RPL37: variants seen among roughly 807,000 people sequenced by gnomAD.
RPL37 encodes ribosomal protein L37.
A neutral mutation model predicts 14.8 loss-of-function variants in RPL37; 1 was observed. The ratio of observed to expected loss-of-function variants is 0.07; its 90% confidence interval spans 0.02 to 0.32. The LOEUF is 0.32. RPL37 is among the 10% of genes least tolerant of loss of function. The pLI is 1.00. For synonymous variants in RPL37, 53 were observed against 45.8 expected (o/e 1.16, Z -0.63); for missense variants, 100 against 128.3 (o/e 0.78, Z 1.06).
At chr5:40,833,363 A>G (rs1370180790) in intron 3 of RPL37, among the ~76,000 whole-genome samples, 1 of 152,224 alleles carries the variant, frequency 6.6e-6, no homozygotes, top group Non-Finnish European at 1.5e-5. Context: ...AGAACATAGT[A>G]ACGGAAGGAG....
Position 40,827,275 on chromosome 5 carries a change from A to G in RPL37, c.*5229T>C, listed in dbSNP as rs1745536994. 6.6e-6 allele frequency: 1 copy of G among 152,160 alleles called. No homozygotes were observed. The highest frequency in any genetic ancestry group is 2.4e-5 in the African/African-American group (1 of 41,432). The allele number at this position is 152,160 out of a possible 1,614,324, so 9.4% of individuals were successfully genotyped here. Reference sequence around the variant, plus strand: ...CTCACCTTTTGTACCTCCAGTCTACACTTTAATCCCACTGAGTTAACTTGC... The same window carrying G: ...CTCACCTTTTGTACCTCCAGTCTACGCTTTAATCCCACTGAGTTAACTTGC... On this transcript the variant is annotated 3_prime_UTR_variant, in exon 4 of 4. Coordinates refer to ENST00000274242, the MANE Select transcript of RPL37 (RefSeq NM_000997.5).
chr5:40,835,083 C>T (rs1238963250), intron 1 of RPL37, 100 bp downstream of exon 1: 4 of 1,536,962 alleles, frequency 2.6e-6, no homozygotes, highest in Non-Finnish European at 2.7e-6. Flanking sequence ...CCACCAGTTC[C>T]CCTTATCCGG....
At chr5:40,834,338 G>T in intron 2 of RPL37, 73 bp from the exon 3 acceptor site, 1 of 1,566,596 alleles carries the variant, frequency 6.4e-7, no homozygotes, top group Non-Finnish European at 8.8e-7. Flanking sequence ...TAACACACGA[G>T]TTTTATGCCA....
chr5:40,826,981 G>A lies in RPL37; in HGVS notation c.*5523C>T, dbSNP rs1446656870. 1 of 152,158 alleles carries A rather than the reference G, an allele frequency of 6.6e-6. No homozygotes were observed. Among genetic ancestry groups the A allele is most frequent in the Non-Finnish European group, 1.5e-5 (1 of 68,078 alleles). The allele number at this position is 152,158 out of a possible 1,614,324, so 9.4% of individuals were successfully genotyped here. ...TTTAATGGAGAAGAGGTTTCACCAG[G>A]TTGCCCAGGCTGGTCTCAAACTCTT... On this transcript the variant is annotated 3_prime_UTR_variant, in exon 4 of 4. Coordinates refer to ENST00000274242, the MANE Select transcript of RPL37 (RefSeq NM_000997.5).
rs10672360 is a variant in RPL37 at position 40,825,353 on chromosome 5, A to ATC, written c.*7149_*7150dup. On this transcript the variant is annotated 3_prime_UTR_variant, in exon 4 of 4. Transcript: ENST00000274242. ...AAGAAATACATAACTTTAACAGATA[A>ATC]TCTCTGTATCTTAGTTTTTGCCTTT... The ATC allele has an allele frequency of 0.72, 109,571 of 152,012 alleles. 39,499 individuals carry two copies. Among genetic ancestry groups the ATC allele is most frequent in the East Asian group, 0.81 (4,209 of 5,166 alleles). 9.4% of individuals were successfully genotyped at this position (152,012 alleles called of 1,614,324 possible). A position where few individuals can be genotyped will look rare whatever the true frequency, so the allele number is the denominator to read the frequency against.
At chr5:40,834,741 GA>G in intron 1 of RPL37, 135 bp from the exon 2 acceptor site, 1 of 1,009,372 alleles carries the variant, frequency 9.9e-7, no homozygotes, top group East Asian at 2.5e-5. Flanking sequence ...CTCTTTCCAC[GA>G]ATGCCAAGTC....
chr5:40,834,346 C>T, intron 2 of RPL37, 81 bp from the exon 3 acceptor site: 1 of 1,562,258 alleles, frequency 6.4e-7, no homozygotes. Context: ...GAGTTTTATG[C>T]CACCTCATCG....
At position 40,830,398 on chromosome 5, in the gene RPL37, G is replaced by C. The variant is rs912652098; in HGVS notation, c.*2106C>G. 2 of 152,006 alleles carry C rather than the reference G, an allele frequency of 1.3e-5. No homozygotes were observed. The highest frequency in any genetic ancestry group is 1.3e-4 in the Admixed American group (2 of 15,242). 9.4% of individuals were successfully genotyped at this position (152,006 alleles called of 1,614,324 possible). On this transcript the variant is annotated 3_prime_UTR_variant, in exon 4 of 4. Coordinates refer to ENST00000274242, the MANE Select transcript of RPL37 (RefSeq NM_000997.5). ...AAGATGAGAGGATCACTTGAAACCAGGAGTCCAAGACCAGCCTGGGCAACA... is the reference window on the plus strand; with the variant it reads ...AAGATGAGAGGATCACTTGAAACCACGAGTCCAAGACCAGCCTGGGCAACA...
At position 40,834,578 on chromosome 5, in the gene RPL37, C is replaced by G; in HGVS notation, c.32G>C (p.Arg11Pro). The change falls in exon 2 of 4, where the codon CGT becomes CCT. Residue 11 changes from arginine (R) to proline (P), a missense_variant. Physicochemically the swap from Arg to Pro is moderately radical, Grantham distance 103. This residue lies in a region of RPL37 where 26 missense variants were observed against 58.3 expected (regional missense o/e 0.45). Coordinates refer to ENST00000274242, the MANE Select transcript of RPL37 (RefSeq NM_000997.5). ...GCACAACGTGTGCGTCTTATTGCGA[C>G]GCTTTCCAAACGATGACGTTCCCTT... MTKGTSSFGK[R>P]RNKTHTLCRR... 3 of 1,613,636 alleles carry G rather than the reference C, an allele frequency of 1.9e-6. No homozygotes were observed. The highest frequency in any genetic ancestry group is 2.5e-6 in the Non-Finnish European group (3 of 1,179,868).
rs1247851155 is a variant in RPL37 at position 40,828,193 on chromosome 5, A to G, written c.*4311T>C. On this transcript the variant is annotated 3_prime_UTR_variant, in exon 4 of 4. Coordinates refer to ENST00000274242, the MANE Select transcript of RPL37 (RefSeq NM_000997.5). ...TAAGTCATTCAGGTAAAGACAAAAG[A>G]ATGGCTCCTTATCATTCAACTTAAC... is the stretch of plus-strand genomic sequence containing the variant. 1.3e-5 allele frequency: 2 copies of G among 152,144 alleles called. No homozygotes were observed. The highest frequency in any genetic ancestry group is 2.4e-5 in the African/African-American group (1 of 41,410). The allele number at this position is 152,144 out of a possible 1,614,324, so 9.4% of individuals were successfully genotyped here.
At chr5:40,833,109 C>G (rs986134955) in intron 3 of RPL37, among the ~76,000 whole-genome samples, 1 of 152,178 alleles carries the variant, frequency 6.6e-6, no homozygotes, top group Non-Finnish European at 1.5e-5. Context: ...TACTAACAGA[C>G]CACTCAACAT....
rs1382232085 is a variant in RPL37, at chr5:40,825,911, G to A, written c.*6593C>T. ...AGTGGAGACGGGGTTTCGCCATGTT[G>A]GCCAGGCTGGTCTCAAACTCCTGAC... On this transcript the variant is annotated 3_prime_UTR_variant, in exon 4 of 4. Coordinates refer to ENST00000274242, the MANE Select transcript of RPL37 (RefSeq NM_000997.5). 1 of 152,138 alleles carries A rather than the reference G, an allele frequency of 6.6e-6. No homozygotes were observed. Among genetic ancestry groups the A allele is most frequent in the African/African-American group, 2.4e-5 (1 of 41,386 alleles). 9.4% of individuals were successfully genotyped at this position (152,138 alleles called of 1,614,324 possible). A position where few individuals can be genotyped will look rare whatever the true frequency, so the allele number is the denominator to read the frequency against.
Position 40,826,596 on chromosome 5 carries a change from T to C in RPL37, c.*5908A>G, listed in dbSNP as rs1745523472. On this transcript the variant is annotated 3_prime_UTR_variant, in exon 4 of 4. Transcript: ENST00000274242. ...CTTTGAAATGTGTTTCGTACAACCA[T>C]TTAGCTGGGGAGCCCAGAGAGGGCT... 1 of 152,142 alleles carries C rather than the reference T, an allele frequency of 6.6e-6. No individual in the cohort carries two copies. The highest frequency in any genetic ancestry group is 1.5e-5 in the Non-Finnish European group (1 of 68,038). 9.4% of individuals were successfully genotyped at this position (152,142 alleles called of 1,614,324 possible). A position where few individuals can be genotyped will look rare whatever the true frequency, so the allele number is the denominator to read the frequency against.
At chr5:40,835,110 C>T in intron 1 of RPL37, 73 bp downstream of exon 1, 1 of 1,606,328 alleles carries the variant, frequency 6.2e-7, no homozygotes, top group African/African-American at 1.3e-5. Flanking sequence ...GCCAGCCCCC[C>T]AAGCACAGCA....
In RPL37 at chr5:40,828,357, G is replaced by A. The variant is rs1192220636; in HGVS notation, c.*4147C>T. ...TACAGTATATACATGATTGAAATCT[G>A]TCAGGGCAGGGTCTTTGTTTTGTTT... On this transcript the variant is annotated 3_prime_UTR_variant, in exon 4 of 4. Transcript: ENST00000274242. 1 of 152,176 alleles carries A rather than the reference G, an allele frequency of 6.6e-6. No homozygotes were observed. Among genetic ancestry groups the A allele is most frequent in the Non-Finnish European group, 1.5e-5 (1 of 68,040 alleles). 9.4% of individuals were successfully genotyped at this position (152,176 alleles called of 1,614,324 possible).
intron 1 of RPL37, 92 bp downstream of exon 1, chr5:40,835,091 C>T: frequency 6.4e-7 from 1 of 1,572,666 alleles, no homozygotes; most frequent in Non-Finnish European, 8.7e-7. Context: ...TCCCCTTATC[C>T]GGAATCTTGC....
chr5:40,834,303 C>G (rs750846786), intron 2 of RPL37, 38 bp from the exon 3 acceptor site: 1 of 1,586,986 alleles, frequency 6.3e-7, no homozygotes, highest in South Asian at 1.1e-5. Context: ...AAACGGTGTT[C>G]TCCCACACAC....
rs1214562388 is a variant in RPL37 at position 40,835,189 on chromosome 5, G to A, written c.-4C>T. 2 of 1,614,108 alleles carry A rather than the reference G, an allele frequency of 1.2e-6. No individual in the cohort carries two copies. Among genetic ancestry groups the A allele is most frequent in the South Asian group, 1.1e-5 (1 of 91,082 alleles). On this transcript the variant is annotated 5_prime_UTR_variant, in exon 1 of 4. Transcript: ENST00000274242. ...CACCACAGTCACAACTCACCATCTC[G>A]CTTCTGCGGCCGAGACCAGAAAGAC...
In RPL37 at chr5:40,831,437, A is replaced by C. The variant is rs1745637968; in HGVS notation, c.*1067T>G. ...AGTTAAAATACAAGATGAGAGTAGC[A>C]ATTAGCTAGCACATTATAAAGCCAT... On this transcript the variant is annotated 3_prime_UTR_variant, in exon 4 of 4. Transcript: ENST00000274242. 6.6e-6 allele frequency: 1 copy of C among 152,378 alleles called. No individual in the cohort carries two copies. The highest frequency in any genetic ancestry group is 6.5e-5 in the Admixed American group (1 of 15,274). The allele number at this position is 152,378 out of a possible 1,614,324, so 9.4% of individuals were successfully genotyped here.
Sources: gnomAD v4.1 joint callset for allele counts (sites outside exome capture counted in the v4.1 genomes callset) on GRCh38, gnomAD v4.1.1 for gene constraint, gnomAD v4.1.1 regional missense constraint, MANE v1.5 for transcripts, NCBI Gene and HGNC (gene_info 2026-07-23, HGNC 2026-07-21) for gene names.